The following MTHFD2L variants were observed in gnomAD, a reference collection of about 807,000 sequenced individuals.
MTHFD2L encodes the protein methylenetetrahydrofolate dehydrogenase (NADP+ dependent) 2 like.
MTHFD2L carries 29 observed loss-of-function variants against 34.9 expected under a neutral mutation model. The ratio of observed to expected loss-of-function variants is 0.83; its 90% confidence interval spans 0.62 to 1.13. The LOEUF is 1.13. MTHFD2L is among the 50% of genes most tolerant of loss of function. The pLI is 0.00. For synonymous variants in MTHFD2L, 167 were observed against 155.7 expected, an observed-to-expected ratio of 1.07 and a Z score of -0.54; for missense variants, 481 against 446.5, an observed-to-expected ratio of 1.08 and a Z score of -0.70.
upstream of MTHFD2L, among the ~76,000 whole-genome samples, chr4:74,155,678 T>C (rs1359412010): frequency 6.6e-6 from 1 of 151,744 alleles, no homozygotes; most frequent in Non-Finnish European, 1.5e-5. Flanking sequence ...GAACATTAGA[T>C]TTTTAAAATC....
At chr4:74,174,420 T>C (rs1000895928) in intron 1 of MTHFD2L, 86 bp from the exon 2 acceptor site, 3 of 1,063,144 alleles carry the variant, frequency 2.8e-6, no homozygotes, top group East Asian at 3.2e-5. Context: ...AGAATCATGG[T>C]GGTTTTATTG....
At chr4:74,255,727 A>G (rs1007003139) in intron 6 of MTHFD2L, among the ~76,000 whole-genome samples, 3 of 152,080 alleles carry the variant, frequency 2.0e-5, no homozygotes, top group African/African-American at 7.2e-5. Context: ...TCCCCCTTTT[A>G]TTAATAAATA....
intron 6 of MTHFD2L, among the ~76,000 whole-genome samples, chr4:74,263,096 T>A (rs1744875255): frequency 6.6e-6 from 1 of 151,824 alleles, no homozygotes; most frequent in Admixed American, 6.6e-5. Context: ...CCTATATATA[T>A]ATGTGTATAT....
At chr4:74,124,866 T>C (rs2109784657), upstream of MTHFD2L, among the ~76,000 whole-genome samples, 1 of 152,248 alleles carries the variant, frequency 6.6e-6, no homozygotes, top group Middle Eastern at 3.4e-3. Flanking sequence ...GTAAGTACTT[T>C]CAAAAGTTCT....
At chr4:74,143,956 G>A (rs960097025) in intron 1 of MTHFD2L, among the ~76,000 whole-genome samples, 1 of 152,176 alleles carries the variant, frequency 6.6e-6, no homozygotes, top group African/African-American at 2.4e-5. Flanking sequence ...GAAATGAAAT[G>A]AGAAGGTAGC....
At chr4:74,188,951 A>G (rs1202786598) in intron 3 of MTHFD2L, among the ~76,000 whole-genome samples, 1 of 151,970 alleles carries the variant, frequency 6.6e-6, no homozygotes, top group East Asian at 1.9e-4. Context: ...AAAAAATACA[A>G]TAAAACTATA....
At chr4:74,207,571 C>T (rs1735556601) in intron 5 of MTHFD2L, among the ~76,000 whole-genome samples, 1 of 152,176 alleles carries the variant, frequency 6.6e-6, no homozygotes, top group African/African-American at 2.4e-5. Flanking sequence ...TTCATCTTTG[C>T]AGTGGGTGTT....
chr4:74,133,168 C>T (rs1722677564), intron 1 of MTHFD2L, among the ~76,000 whole-genome samples: 3 of 152,122 alleles, frequency 2.0e-5, no homozygotes. Context: ...TACATGGTTT[C>T]CATTGTGAAG....
At chr4:74,171,457 A>G (rs1483282227) in intron 1 of MTHFD2L, among the ~76,000 whole-genome samples, 1 of 152,164 alleles carries the variant, frequency 6.6e-6, no homozygotes, top group African/African-American at 2.4e-5. Flanking sequence ...ACGTATTTAA[A>G]CATACACTTA....
intron 3 of MTHFD2L, among the ~76,000 whole-genome samples, chr4:74,181,082 A>C (rs1361793864): frequency 6.6e-6 from 1 of 152,140 alleles, no homozygotes; most frequent in Non-Finnish European, 1.5e-5. Context: ...AAACTAGAAT[A>C]ATAAAAGGGA....
intron 5 of MTHFD2L, among the ~76,000 whole-genome samples, chr4:74,218,766 G>C (rs1386889588): frequency 6.6e-6 from 1 of 152,080 alleles, no homozygotes; most frequent in African/African-American, 2.4e-5. Context: ...TTAGAAAACT[G>C]CTCAGGTGGG....
chr4:74,128,709 G>T (rs534694222), intron 1 of MTHFD2L, among the ~76,000 whole-genome samples: 88 of 152,170 alleles, frequency 5.8e-4, no homozygotes, highest in Middle Eastern at 3.4e-3. Flanking sequence ...GAATTTTTTA[G>T]TGTGTGGTTC....
chr4:74,170,401 C>T (rs1307859625), intron 1 of MTHFD2L, among the ~76,000 whole-genome samples: 1 of 152,124 alleles, frequency 6.6e-6, no homozygotes, highest in Non-Finnish European at 1.5e-5. Flanking sequence ...ATAAAAAACA[C>T]TTGGCAGTAG....
intron 6 of MTHFD2L, among the ~76,000 whole-genome samples, chr4:74,259,688 T>G (rs982772698): frequency 6.6e-6 from 1 of 152,190 alleles, no homozygotes; most frequent in Admixed American, 6.5e-5. Flanking sequence ...TGGAGGAGAC[T>G]GGTAGTCCAT....
chr4:74,255,011 T>C (rs906490902), intron 6 of MTHFD2L, among the ~76,000 whole-genome samples: 1 of 151,698 alleles, frequency 6.6e-6, no homozygotes, highest in African/African-American at 2.4e-5. Context: ...GGCAGGTGCC[T>C]GTAATCCCAG....
intron 7 of MTHFD2L, among the ~76,000 whole-genome samples, chr4:74,292,817 G>A (rs1201058914): frequency 1.3e-5 from 2 of 151,806 alleles, no homozygotes; most frequent in African/African-American, 4.8e-5. Context: ...TTCACAGAAA[G>A]CAATTTTTTT....
At chr4:74,250,200 A>G (rs1743104510) in intron 6 of MTHFD2L, among the ~76,000 whole-genome samples, 1 of 152,000 alleles carries the variant, frequency 6.6e-6, no homozygotes, top group African/African-American at 2.4e-5. Context: ...TTTTCTCTAA[A>G]CTTCCCTTCT....
intron 5 of MTHFD2L, among the ~76,000 whole-genome samples, chr4:74,217,347 T>C (rs1737370312): frequency 6.6e-6 from 1 of 151,910 alleles, no homozygotes; most frequent in Non-Finnish European, 1.5e-5. Context: ...ATAATTTATG[T>C]ATTCATTGCT....
rs530276793 is a variant in MTHFD2L at position 74,145,299 on chromosome 4, A to AT, written c.-296-14755dup. On this transcript the variant is annotated intron_variant, in intron 1 of 7. Transcript: ENST00000433372. ...AATACTGTACAACTATTTACATAGC[A>AT]TATACATTGTATTGATATTATAAGT... 4.6e-4 allele frequency among the ~76,000 whole-genome samples: 70 copies of AT among 152,352 alleles called. No individual in the cohort carries two copies. In the East Asian group the frequency reaches 6.2e-3, roughly 13 times the overall value.
Sources: gnomAD v4.1 joint callset for allele counts (sites outside exome capture counted in the v4.1 genomes callset) on GRCh38, gnomAD v4.1.1 for gene constraint, MANE v1.5 for transcripts, NCBI Gene and HGNC (gene_info 2026-07-23, HGNC 2026-07-21) for gene names.